Variants in PLSCR2 observed in about 807,000 individuals in gnomAD.
PLSCR2 encodes the protein phospholipid scramblase 2.
PLSCR2 carries 18 observed loss-of-function variants against 25.3 expected under a neutral mutation model. The ratio of observed to expected loss-of-function variants is 0.71; its 90% CI spans 0.49 to 1.06. The LOEUF (loss-of-function observed/expected upper bound fraction) is 1.06, where lower values mean the gene tolerates loss of function less well. Ranked by LOEUF, PLSCR2 falls within the 50% of genes least tolerant of loss-of-function variation. The pLI, the probability that PLSCR2 is intolerant of heterozygous loss-of-function variation, is 0.00. For missense variants in PLSCR2, 243 were observed against 269.5 expected, an observed-to-expected ratio of 0.90 and a Z score of 0.69; for synonymous variants, 88 against 87.3, an observed-to-expected ratio of 1.01 and a Z score of -0.04.
At chr3:146,394,324 G>A (rs151177969) in intron 3 of PLSCR2, among the ~76,000 whole-genome samples, 6,183 of 151,938 alleles carry the variant, frequency 0.041, 172 homozygotes, top group Admixed American at 0.086. Context: ...CTGGAGTGCA[G>A]TGGTGCAATC....
At chr3:146,419,157 G>A (rs1292265524) in intron 2 of PLSCR2, among the ~76,000 whole-genome samples, 1 of 151,976 alleles carries the variant, frequency 6.6e-6, no homozygotes, top group East Asian at 1.9e-4. Context: ...TAAGCAAAAG[G>A]AAGAAACCAA....
chr3:146,466,914 C>T (rs509382), intron 1 of PLSCR2, among the ~76,000 whole-genome samples: 67,589 of 151,992 alleles, frequency 0.44, 15,756 homozygotes, highest in East Asian at 0.61. Context: ...ATCTTTCTTA[C>T]GTAAGATAGA....
upstream of PLSCR2, among the ~76,000 whole-genome samples, chr3:146,463,225 G>A (rs1387121620): frequency 6.6e-6 from 1 of 152,100 alleles, no homozygotes; most frequent in Non-Finnish European, 1.5e-5. Context: ...TCGCTCTGTC[G>A]GAGTGCAGTG....
chr3:146,401,355 C>G (rs2038470421), intron 2 of PLSCR2: 3 of 152,468 alleles, frequency 2.0e-5, no homozygotes, highest in Non-Finnish European at 4.4e-5. Context: ...TAAATATTTA[C>G]TTACCTTTTG....
chr3:146,465,096 C>A (rs1417491065), upstream of PLSCR2, among the ~76,000 whole-genome samples: 1 of 152,132 alleles, frequency 6.6e-6, no homozygotes, highest in Non-Finnish European at 1.5e-5. Context: ...TTTTAGCCTG[C>A]ATAATAAAGA....
chr3:146,469,180 C>T (rs2042001550), intron 1 of PLSCR2: 2 of 985,412 alleles, frequency 2.0e-6, no homozygotes, highest in Non-Finnish European at 2.4e-6. Context: ...GCTCCTGAGC[C>T]CAGACTCTGC....
At chr3:146,427,398 A>G (rs1173231713) in intron 2 of PLSCR2, among the ~76,000 whole-genome samples, 1 of 152,206 alleles carries the variant, frequency 6.6e-6, no homozygotes, top group East Asian at 1.9e-4. Context: ...TTGATCTTTC[A>G]GGAATGGTTG....
chr3:146,470,283 G>A (rs1033396445), intron 1 of PLSCR2, among the ~76,000 whole-genome samples: 1 of 151,870 alleles, frequency 6.6e-6, no homozygotes, highest in African/African-American at 2.4e-5. Context: ...TTATTTACAC[G>A]CCTGAAACCC....
chr3:146,395,667 G>A (rs955564626), intron 3 of PLSCR2: 7 of 158,072 alleles, frequency 4.4e-5, no homozygotes, highest in Non-Finnish European at 8.4e-5. Flanking sequence ...ATTTGCAGTT[G>A]ATTCAGATGA....
chr3:146,450,702 G>A (rs945790162), intron 5 of PLSCR2, among the ~76,000 whole-genome samples: 6 of 152,122 alleles, frequency 3.9e-5, no homozygotes, highest in Admixed American at 1.3e-4. Flanking sequence ...CTATTAATGA[G>A]AACTTTATAT....
At chr3:146,455,712 G>T (rs891077708) in intron 3 of PLSCR2, among the ~76,000 whole-genome samples, 1 of 152,168 alleles carries the variant, frequency 6.6e-6, no homozygotes, top group Non-Finnish European at 1.5e-5. Flanking sequence ...AATCCCATAG[G>T]CTCCTGTGAG....
intron 2 of PLSCR2, among the ~76,000 whole-genome samples, chr3:146,417,860 A>G (rs1241081683): frequency 1.3e-5 from 2 of 152,220 alleles, no homozygotes; most frequent in Non-Finnish European, 2.9e-5. Context: ...ACCTAAATAC[A>G]TAAAATATTA....
chr3:146,426,297 C>A (rs1414258186), intron 2 of PLSCR2, among the ~76,000 whole-genome samples: 1 of 148,114 alleles, frequency 6.8e-6, no homozygotes, highest in Non-Finnish European at 1.5e-5. Context: ...TTCCTTCCTG[C>A]CTTCCTTCCC....
intron 2 of PLSCR2, among the ~76,000 whole-genome samples, chr3:146,408,502 G>A (rs917475108): frequency 6.6e-6 from 1 of 151,974 alleles, no homozygotes; most frequent in Non-Finnish European, 1.5e-5. Context: ...TCAGCTGCCT[G>A]TGTTGCTTGT....
chr3:146,404,821 A>AAAG (rs71158238), intron 2 of PLSCR2, among the ~76,000 whole-genome samples: 6,282 of 124,556 alleles, frequency 0.05, 304 homozygotes, highest in Non-Finnish European at 0.069. Flanking sequence ...AAAAAAAAAA[A>AAAG]GGGGGGGGGT....
intron 2 of PLSCR2, among the ~76,000 whole-genome samples, chr3:146,424,415 T>A (rs1523334): frequency 6.6e-6 from 1 of 151,806 alleles, no homozygotes; most frequent in Admixed American, 6.6e-5. Context: ...TATGAATTTT[T>A]GGGGGACACC....
intron 2 of PLSCR2, among the ~76,000 whole-genome samples, chr3:146,409,014 G>T (rs550243263): frequency 6.6e-6 from 1 of 152,274 alleles, no homozygotes; most frequent in African/African-American, 2.4e-5. Context: ...GAAAAGGGTT[G>T]AAAGGAGCTG....
At chr3:146,475,461 TG>T (rs1353031391) in intron 1 of PLSCR2, among the ~76,000 whole-genome samples, 1 of 152,128 alleles carries the variant, frequency 6.6e-6, no homozygotes, top group African/African-American at 2.4e-5. Context: ...CTTCTTTACA[TG>T]CTTCATAACT....
chr3:146,469,802 G>C (rs191736090), intron 1 of PLSCR2, among the ~76,000 whole-genome samples: 2 of 133,166 alleles, frequency 1.5e-5, no homozygotes, highest in Non-Finnish European at 3.2e-5. Context: ...CGTGTGCGAC[G>C]CGCAGCTGCC....
Sources: gnomAD v4.1 joint callset for allele counts (sites outside exome capture counted in the v4.1 genomes callset) on GRCh38, gnomAD v4.1.1 for gene constraint, MANE v1.5 for transcripts, NCBI Gene and HGNC (gene_info 2026-07-23, HGNC 2026-07-21) for gene names.